The following ATG4C variants were observed in gnomAD, a reference collection of about 807,000 sequenced individuals.
The protein encoded by ATG4C is autophagy related 4C cysteine peptidase.
In ATG4C, 56 loss-of-function variants were observed where a neutral mutation model predicts 57.6. The ratio of observed to expected loss-of-function variants is 0.97; its 90% CI spans 0.78 to 1.21. The LOEUF is 1.21. Ranked by LOEUF, ATG4C falls within the 50% of genes most tolerant of loss-of-function variation. The pLI is 0.00. For synonymous variants in ATG4C, 157 were observed against 174.1 expected (o/e 0.90, Z 0.78); for missense variants, 595 against 529.8 (o/e 1.12, Z -1.21).
Position 62,834,136 on chromosome 1 carries a change from A to G in ATG4C, c.1012+20A>G, listed in dbSNP as rs754043891. The G allele has an allele frequency of 2.5e-6, 4 of 1,597,916 alleles. No homozygotes were observed. The highest frequency in any genetic ancestry group is 1.7e-5 in the Admixed American group (1 of 58,750). On this transcript the variant is annotated intron_variant, in intron 8 of 10. Coordinates refer to ENST00000317868, the MANE Select transcript of ATG4C (RefSeq NM_032852.4). ...TTCAAGGTTAGTGATTTAGTAAAAT[A>G]TATTTCTTCATTGTTTTCTTTTAAA...
chr1:62,848,249 C>T (rs186984747), intron 10 of ATG4C, among the ~76,000 whole-genome samples: 5 of 152,086 alleles, frequency 3.3e-5, no homozygotes, highest in Admixed American at 1.3e-4. Flanking sequence ...TTAAATGTTC[C>T]TCTATCTCTT....
rs201027291 is a variant in ATG4C, at chr1:62,841,438, G to A, written c.1100G>A (p.Cys367Tyr). 249 of 1,605,440 alleles carry A rather than the reference G, an allele frequency of 1.6e-4. No homozygotes were observed. Among genetic ancestry groups the A allele is most frequent in the Middle Eastern group, 9.9e-4 (6 of 6,050 alleles). The change falls in exon 10 of 11, where the codon TGC (cysteine) becomes TAC (tyrosine). Residue 367 changes from cysteine to tyrosine, a missense_variant. Physicochemically the swap from Cys to Tyr is radical, Grantham distance 194. Coordinates refer to ENST00000317868, the MANE Select transcript of ATG4C (RefSeq NM_032852.4). ...IKDFPLETFH[C>Y]PSPKKMSFRK... is the part of the protein sequence containing the mutation. ...CTTTAAAAATTACAGACATTCCACT[G>A]CCCTTCTCCCAAAAAGATGTCTTTT...
chr1:62,837,759 G>A (rs1270190148), intron 9 of ATG4C, among the ~76,000 whole-genome samples: 2 of 152,150 alleles, frequency 1.3e-5, no homozygotes. Flanking sequence ...AATTACACAT[G>A]TGAACTGCAA....
At chr1:62,849,654 G>T (rs992677545) in intron 10 of ATG4C, among the ~76,000 whole-genome samples, 1 of 151,962 alleles carries the variant, frequency 6.6e-6, no homozygotes, top group African/African-American at 2.4e-5. Flanking sequence ...TAGGATTACC[G>T]GTGCCTGCCA....
At chr1:62,802,600 A>C (rs1664719177) in intron 1 of ATG4C, among the ~76,000 whole-genome samples, 1 of 151,882 alleles carries the variant, frequency 6.6e-6, no homozygotes, top group Non-Finnish European at 1.5e-5. Flanking sequence ...ATTGAAGTAA[A>C]ACAAACAAAC....
chr1:62,816,829 T>C, intron 4 of ATG4C, 21 bp downstream of exon 4: 3 of 1,427,742 alleles, frequency 2.1e-6, no homozygotes, highest in East Asian at 2.6e-5. Context: ...TTTCTGTTTT[T>C]GTTTTGTTTT....
chr1:62,807,189 G>A (rs1029216831), intron 3 of ATG4C, among the ~76,000 whole-genome samples: 3 of 152,164 alleles, frequency 2.0e-5, no homozygotes, highest in African/African-American at 7.2e-5. Context: ...TCTGCCCCCT[G>A]TTCCTGACTC....
rs961548827 is a variant in ATG4C, at chr1:62,864,630, C to G, written c.*471C>G. 3 of 154,930 alleles carry G rather than the reference C, an allele frequency of 1.9e-5. No homozygotes were observed. The highest frequency in any genetic ancestry group is 7.2e-5 in the African/African-American group (3 of 41,462). 9.6% of individuals were successfully genotyped at this position (154,930 alleles called of 1,614,324 possible). A position where few individuals can be genotyped will look rare whatever the true frequency, so the allele number is the denominator to read the frequency against. ...AATCAAAGAATACTTTTGCATATGTCTTGATAATTAAATAGTATTTGTTAA... is the reference window on the plus strand; with the variant it reads ...AATCAAAGAATACTTTTGCATATGTGTTGATAATTAAATAGTATTTGTTAA... On this transcript the variant is annotated 3_prime_UTR_variant, in exon 11 of 11. Coordinates refer to ENST00000317868, the MANE Select transcript of ATG4C (RefSeq NM_032852.4).
At chr1:62,790,370 A>T (rs1206161205) in intron 1 of ATG4C, among the ~76,000 whole-genome samples, 2 of 152,192 alleles carry the variant, frequency 1.3e-5, no homozygotes, top group Non-Finnish European at 2.9e-5. Context: ...ATTTTTACTC[A>T]TCTAACCTAT....
At chr1:62,818,755 A>G (rs1385133762) in intron 4 of ATG4C, among the ~76,000 whole-genome samples, 1 of 152,110 alleles carries the variant, frequency 6.6e-6, no homozygotes, top group Non-Finnish European at 1.5e-5. Context: ...GAGTTCCACA[A>G]TCATCACCAT....
In ATG4C at chr1:62,788,430, T is replaced by TACACACAC. The variant is rs10671530; in HGVS notation, c.-69+4180_-69+4187dup. ...CAAGTGCTGTTTCTCTCTCTATAAA[T>TACACACAC]ACACACACACACACACACACACACA... On this transcript the variant is annotated intron_variant, in intron 1 of 10. Coordinates refer to ENST00000317868, the MANE Select transcript of ATG4C (RefSeq NM_032852.4). Among the ~76,000 whole-genome samples the TACACACAC allele has an allele frequency of 5.7e-3, 837 of 146,546 alleles. 7 individuals carry two copies. Among genetic ancestry groups the TACACACAC allele is most frequent in the African/African-American group, 0.02 (806 of 40,282 alleles).
intron 3 of ATG4C, among the ~76,000 whole-genome samples, chr1:62,812,756 A>T (rs942830913): frequency 2.5e-4 from 38 of 152,244 alleles, no homozygotes; most frequent in Admixed American, 2.4e-3. Context: ...TTATGCTGAT[A>T]AGCAATTTCA....
intron 6 of ATG4C, among the ~76,000 whole-genome samples, chr1:62,825,540 C>T (rs1264389565): frequency 6.6e-6 from 1 of 151,924 alleles, no homozygotes; most frequent in African/African-American, 2.4e-5. Flanking sequence ...AGCCTTTAGA[C>T]TTCATCTCAT....
In ATG4C at chr1:62,791,691, G is replaced by A. The variant is rs186243649; in HGVS notation, c.-69+7418G>A. 1.6e-4 allele frequency among the ~76,000 whole-genome samples: 24 copies of A among 152,248 alleles called. No homozygotes were observed. In the East Asian group the frequency reaches 3.1e-3, roughly 20 times the overall value. Reference sequence around the variant, plus strand: ...AACCTGTTAATCCATTAATCCATGAGTGAATTAATTTATTTATGAGGGCAG... The same window carrying A: ...AACCTGTTAATCCATTAATCCATGAATGAATTAATTTATTTATGAGGGCAG... On this transcript the variant is annotated intron_variant, in intron 1 of 10. Coordinates refer to ENST00000317868, the MANE Select transcript of ATG4C (RefSeq NM_032852.4).
chr1:62,817,133 G>T (rs1665305188), intron 4 of ATG4C, among the ~76,000 whole-genome samples: 1 of 151,956 alleles, frequency 6.6e-6, no homozygotes, highest in African/African-American at 2.4e-5. Context: ...CTTTCCTTTT[G>T]GTTGAACTCT....
At chr1:62,842,630 T>G (rs901755664) in intron 10 of ATG4C, among the ~76,000 whole-genome samples, 1 of 152,192 alleles carries the variant, frequency 6.6e-6, no homozygotes, top group East Asian at 1.9e-4. Flanking sequence ...AAGTTGAAAT[T>G]TTATTTTTAC....
chr1:62,835,217 A>G (rs1470478671), intron 9 of ATG4C, among the ~76,000 whole-genome samples: 1 of 151,670 alleles, frequency 6.6e-6, no homozygotes, highest in East Asian at 1.9e-4. Context: ...AGAAAGGGAT[A>G]GACGGGTTAG....
At chr1:62,822,275 G>T (rs374568937) in intron 6 of ATG4C, among the ~76,000 whole-genome samples, 1 of 152,178 alleles carries the variant, frequency 6.6e-6, no homozygotes, top group South Asian at 2.1e-4. Flanking sequence ...ATATTCATGC[G>T]TTTTTGTTTG....
At chr1:62,802,990 A>G (rs573421160) in intron 1 of ATG4C, among the ~76,000 whole-genome samples, 95 of 152,328 alleles carry the variant, frequency 6.2e-4, no homozygotes, top group Admixed American at 1.4e-3. Flanking sequence ...TTGAAAAGTA[A>G]ACTGTGAATT....
Sources: allele counts gnomAD v4.1 joint callset (sites outside exome capture counted in the v4.1 genomes callset), GRCh38; gene constraint gnomAD v4.1.1; transcripts MANE v1.5; gene names NCBI Gene and HGNC (gene_info 2026-07-23, HGNC 2026-07-21).